Variants in FN1 observed in about 807,000 individuals in gnomAD.
The protein encoded by FN1 is fibronectin.
In FN1, 106 loss-of-function variants were observed where a neutral mutation model predicts 297.3. That is an observed-to-expected ratio of 0.36 (90% CI 0.30 to 0.42). FN1 has a LOEUF of 0.42. FN1 is among the 10% of genes least tolerant of loss of function. The pLI is 1.00. For synonymous variants in FN1, 1,149 were observed against 1,152.6 expected, an observed-to-expected ratio of 1.00 and a Z score of 0.06; for missense variants, 2,690 against 3,124.9, an observed-to-expected ratio of 0.86 and a Z score of 3.32.
Position 215,382,570 on chromosome 2 carries a change from C to T in FN1, c.5051-245G>A, listed in dbSNP as rs141577202. On this transcript the variant is annotated intron_variant, in intron 31 of 45. Coordinates refer to ENST00000354785, the MANE Select transcript of FN1 (RefSeq NM_212482.4). ...GATCTAAAACTTAATATGATGCCCC[C>T]AACAATTAGTGATACTGCTCTCAGA... Among the ~76,000 whole-genome samples, 163 of 152,232 alleles carry T rather than the reference C, an allele frequency of 1.1e-3. 1 individual carries two copies. The highest frequency in any genetic ancestry group is 9.8e-3 in the East Asian group (51 of 5,184).
Position 215,397,812 on chromosome 2 carries a change from G to C in FN1, c.3385C>G (p.Arg1129Gly). Residue 1129 changes from arginine (R) to glycine (G), a missense_variant, in exon 22 of 46, where the codon CGA (arginine) becomes GGA (glycine). Physicochemically the swap from Arg to Gly is moderately radical, Grantham distance 125 (BLOSUM62 -2). This residue lies in a region of FN1 where 1,743 missense variants were observed against 1,945.2 expected (regional missense o/e 0.90). Transcript: ENST00000354785. ...CTTCCTGAGTCTGAAGTCACTTCTC[G>C]TGGTGCCTCTCCTCCCTGGCTTGGT... ...VRPSQGGEAP[R>G]EVTSDSGSIV... The C allele has an allele frequency of 6.2e-7, 1 of 1,614,128 alleles. No homozygotes were observed.
In FN1 at chr2:215,424,978, G is replaced by A. The variant is rs1045448235; in HGVS notation, c.1036+116C>T. The A allele has an allele frequency of 8.9e-6, 8 of 901,216 alleles. No individual in the cohort carries two copies. The Admixed American group carries it at 1.0e-4, about 12-fold the overall frequency. The allele number at this position is 901,216 out of a possible 1,614,324, so 55.8% of individuals were successfully genotyped here. A position where few individuals can be genotyped will look rare whatever the true frequency, so the allele number is the denominator to read the frequency against. ...ATGCCAACCCTAATTGTTATCACAG[G>A]GTGGTAAGATTACAGGCTTCTTGTT... On this transcript the variant is annotated intron_variant, in intron 7 of 45. Coordinates refer to ENST00000354785, the MANE Select transcript of FN1 (RefSeq NM_212482.4).
At chr2:215,420,024 C>G (rs985140446) in intron 11 of FN1, among the ~76,000 whole-genome samples, 2 of 152,164 alleles carry the variant, frequency 1.3e-5, no homozygotes, top group East Asian at 3.8e-4. Flanking sequence ...TCAGCCTTCA[C>G]TATTTGCTTA....
chr2:215,409,621 C>A lies in FN1; in HGVS notation c.2241G>T (p.Val747=). 6.2e-7 allele frequency: 1 copy of A among 1,614,102 alleles called. No individual in the cohort carries two copies. The highest frequency in any genetic ancestry group is 8.5e-7 in the Non-Finnish European group (1 of 1,180,022). The stretch of plus-strand genomic sequence containing the variant: ...GCTCATATTCCACCCGGAATCCCGA[C>A]ACGGTGTCGGAAGCTGAGACCCAGG... The part of the protein sequence containing the change: ...VVSWVSASDT[V]SGFRVEYELS... The change falls in exon 15 of 46, where the codon GTG becomes GTT. Residue 747 remains valine, a synonymous_variant. Transcript: ENST00000354785.
intron 13 of FN1, among the ~76,000 whole-genome samples, chr2:215,411,959 G>A (rs535240038): frequency 9.9e-5 from 15 of 152,154 alleles, no homozygotes; most frequent in Admixed American, 5.9e-4. Flanking sequence ...GAGCCACTGC[G>A]CCTGGCCCAA....
chr2:215,407,386 T>C (rs2061906291), intron 17 of FN1, 65 bp from the exon 18 acceptor site: 2 of 1,304,872 alleles, frequency 1.5e-6, no homozygotes, highest in South Asian at 2.4e-5. Context: ...AGAAACACCA[T>C]AAATCCTCCC....
At chr2:215,378,001 G>T (rs2057620124) in intron 35 of FN1, among the ~76,000 whole-genome samples, 174 bp downstream of exon 35, 1 of 151,834 alleles carries the variant, frequency 6.6e-6, no homozygotes, top group South Asian at 2.1e-4. Flanking sequence ...AAGAGACAGG[G>T]CCTTGCTATT....
chr2:215,424,432 A>C, intron 7 of FN1, 107 bp from the exon 8 acceptor site: 2 of 880,702 alleles, frequency 2.3e-6, no homozygotes, highest in Non-Finnish European at 3.7e-6. Flanking sequence ...CCCTCAAAGG[A>C]AGAAGCTATG....
intron 5 of FN1, among the ~76,000 whole-genome samples, chr2:215,428,892 G>A (rs1307301009): frequency 6.6e-6 from 1 of 152,114 alleles, no homozygotes; most frequent in East Asian, 1.9e-4. Context: ...GCGGGCGCCT[G>A]TAATCCAAGC....
At chr2:215,363,381 AG>A (rs2053903549) in intron 44 of FN1, 5 of 83,422 alleles carry the variant, frequency 6.0e-5, no homozygotes, top group Non-Finnish European at 1.2e-4. Flanking sequence ...TTAATGGGAG[AG>A]AGAGAGAGAG....
rs74568245 is a variant in FN1, at chr2:215,423,757, C to G, written c.1217-231G>C. ...ACTGTCATTTCCCCAGCACCCCCCC[C>G]ACAAAAGATTAAATGATAGCTTTGA... On this transcript the variant is annotated intron_variant, in intron 8 of 45. Transcript: ENST00000354785. Among the ~76,000 whole-genome samples, 6 of 152,152 alleles carry G rather than the reference C, an allele frequency of 3.9e-5. No homozygotes were observed. In the South Asian group the frequency reaches 1.0e-3, roughly 26 times the overall value.
In FN1 at chr2:215,378,281, G is replaced by C. The variant is rs1206584662; in HGVS notation, c.5623-19C>G. The C allele has an allele frequency of 1.4e-6, 2 of 1,469,764 alleles. No homozygotes were observed. Among genetic ancestry groups the C allele is most frequent in the South Asian group, 2.3e-5 (2 of 88,190 alleles). 91.0% of individuals were successfully genotyped at this position (1,469,764 alleles called of 1,614,324 possible). On this transcript the variant is annotated intron_variant, in intron 34 of 45. Transcript: ENST00000354785. ...TGGCCACCTAGAGAAATAAGGGCAT[G>C]GTGAGCTTTAGCAACGTCCTCAACT...
chr2:215,420,868 T>C, intron 10 of FN1, 67 bp from the exon 11 acceptor site: 2 of 1,494,254 alleles, frequency 1.3e-6, no homozygotes, highest in Non-Finnish European at 1.9e-6. Flanking sequence ...AAAAAAGGTA[T>C]GCTTCTCAAA....
intron 20 of FN1, among the ~76,000 whole-genome samples, chr2:215,401,234 G>GAAAGAAAGAAAA (rs2061033529): frequency 1.8e-5 from 1 of 56,046 alleles, no homozygotes; most frequent in African/African-American, 8.7e-5. Context: ...AAGAAAGAAA[G>GAAAGAAAGAAAA]AAAGAAAGAA....
At position 215,364,935 on chromosome 2, in the gene FN1, A is replaced by T; in HGVS notation, c.7195T>A (p.Trp2399Arg). The T allele has an allele frequency of 6.3e-7, 1 of 1,579,248 alleles. No individual in the cohort carries two copies. The highest frequency in any genetic ancestry group is 8.6e-7 in the Non-Finnish European group (1 of 1,161,280). Residue 2399 changes from tryptophan to arginine, a missense_variant, in exon 44 of 46, where the codon TGG (tryptophan) becomes AGG (arginine). By Grantham distance (101) the Trp-to-Arg change is moderately radical. This residue lies in a region of FN1 where 1,743 missense variants were observed against 1,945.2 expected (regional missense o/e 0.90). Transcript: ENST00000354785. ...ATGGCACCGAGATATTCCTTCTGCC[A>T]CTGTTCTCCTACGTGGTATGTCTTC... ...DGKTYHVGEQ[W>R]QKEYLGAICS...
chr2:215,363,350 C>A (rs981101184), intron 44 of FN1: 1 of 151,794 alleles, frequency 6.6e-6, no homozygotes, highest in East Asian at 2.0e-4. Flanking sequence ...TAAGGTCATA[C>A]AATCACAGTC....
intron 6 of FN1, among the ~76,000 whole-genome samples, chr2:215,425,917 A>G (rs2065257351): frequency 6.6e-6 from 1 of 151,994 alleles, no homozygotes; most frequent in South Asian, 2.1e-4. Context: ...CACTCCATAC[A>G]GCAGATACCT....
chr2:215,363,392 GAGAGAC>G (rs1559304258), intron 44 of FN1: 1 of 134,966 alleles, frequency 7.4e-6, no homozygotes, highest in Admixed American at 7.9e-5. Context: ...GAGAGAGAGA[GAGAGAC>G]AGAGAGAGAT....
chr2:215,382,260 GAGCATAGACACTA>G lies in FN1; in HGVS notation c.5103_5115del (p.Ser1702ArgfsTer15). ...GGCTGACTCTCTCCGCTTGGATTCTGAGCATAGACACTAACCACATACTCCACTGTGGGCTGCA... is the reference window on the plus strand; with the variant it reads ...GGCTGACTCTCTCCGCTTGGATTCTGACCACATACTCCACTGTGGGCTGCA... On this transcript the variant is annotated frameshift_variant, in exon 32 of 46. Transcript: ENST00000354785. LOFTEE classifies it high-confidence loss of function. The G allele has an allele frequency of 6.2e-7, 1 of 1,613,984 alleles. No homozygotes were observed. The highest frequency in any genetic ancestry group is 1.1e-5 in the South Asian group (1 of 91,080).
Sources: allele counts gnomAD v4.1 joint callset (sites outside exome capture counted in the v4.1 genomes callset), GRCh38; gene constraint gnomAD v4.1.1; regional missense constraint gnomAD v4.1.1; transcripts MANE v1.5; gene names NCBI Gene and HGNC (gene_info 2026-07-23, HGNC 2026-07-21).